CHST11: variants seen among roughly 807,000 people sequenced by gnomAD.
CHST11 encodes C4S-1.
Under a neutral mutation model 30.4 loss-of-function variants are expected in CHST11, and 9 were observed. The ratio of observed to expected loss-of-function variants is 0.30; its 90% CI spans 0.18 to 0.52. The LOEUF is 0.52. Among genes scored for constraint, CHST11 ranks in the 20% least tolerant of loss-of-function variants. The probability of loss-of-function intolerance (pLI) is 0.97; values close to 1 mark genes in which losing one functional copy is unlikely to be tolerated. For missense variants in CHST11, 348 were observed against 460.6 expected (o/e 0.76, Z 2.24); for synonymous variants, 152 against 187.8 (o/e 0.81, Z 1.56).
intron 2 of CHST11, among the ~76,000 whole-genome samples, chr12:104,672,011 G>C (rs2039702253): frequency 6.6e-6 from 1 of 152,200 alleles, no homozygotes. Context: ...TGACCCGTCA[G>C]TGACCATGTC....
Position 104,670,380 on chromosome 12 carries a change from C to T in CHST11, c.204+68389C>T, listed in dbSNP as rs189982175. ...CCTTCCCCGCTTTTCTATTCCAGAC[C>T]GTCCATGAACTGCCTCCATTTCCTC... On this transcript the variant is annotated intron_variant, in intron 2 of 2. Transcript: ENST00000303694. Among the ~76,000 whole-genome samples the T allele has an allele frequency of 1.6e-4, 25 of 152,212 alleles. No individual in the cohort carries two copies. In the East Asian group the frequency reaches 3.9e-3, roughly 23 times the overall value.
chr12:104,684,458 C>T (rs2039827277), intron 2 of CHST11, among the ~76,000 whole-genome samples: 1 of 152,214 alleles, frequency 6.6e-6, no homozygotes, highest in Admixed American at 6.5e-5. Context: ...GGGGATGGTA[C>T]ACCCTGCCCC....
intron 1 of CHST11, among the ~76,000 whole-genome samples, chr12:104,497,762 C>G (rs968939402): frequency 6.6e-6 from 1 of 152,010 alleles, no homozygotes; most frequent in Non-Finnish European, 1.5e-5. Context: ...TAGTGGGTGA[C>G]ATGGACTGGA....
intron 2 of CHST11, among the ~76,000 whole-genome samples, chr12:104,625,281 T>C (rs2039201576): frequency 6.6e-6 from 1 of 152,118 alleles, no homozygotes; most frequent in Non-Finnish European, 1.5e-5. Context: ...ACTCTGCTAT[T>C]CAGAGATGCC....
chr12:104,490,611 A>G (rs2037735639), intron 1 of CHST11, among the ~76,000 whole-genome samples: 1 of 152,194 alleles, frequency 6.6e-6, no homozygotes, highest in Non-Finnish European at 1.5e-5. Context: ...AGAGAGAGAG[A>G]TTGGAGTTGA....
chr12:104,679,044 G>C (rs1029149114), intron 2 of CHST11, among the ~76,000 whole-genome samples: 2 of 152,138 alleles, frequency 1.3e-5, no homozygotes, highest in Non-Finnish European at 1.5e-5. Flanking sequence ...CCATGATGTC[G>C]TTGGTACTCA....
intron 1 of CHST11, among the ~76,000 whole-genome samples, chr12:104,462,218 G>T (rs937191132): frequency 1.4e-5 from 2 of 143,644 alleles, no homozygotes; most frequent in African/African-American, 2.6e-5. Flanking sequence ...AATTTAGGAG[G>T]TATAGAAGAA....
At position 104,761,314 on chromosome 12, in the gene CHST11, A is replaced by G. The variant is rs1055260819; in HGVS notation, c.*3511A>G. 1 of 152,338 alleles carries G rather than the reference A, an allele frequency of 6.6e-6. No homozygotes were observed. Among genetic ancestry groups the G allele is most frequent in the African/African-American group, 2.4e-5 (1 of 41,446 alleles). The allele number at this position is 152,338 out of a possible 1,614,324, so 9.4% of individuals were successfully genotyped here. On this transcript the variant is annotated 3_prime_UTR_variant, in exon 3 of 3. Coordinates refer to ENST00000303694, the MANE Select transcript of CHST11 (RefSeq NM_018413.6). ...TCCTGGTGGCAAAGGCATGAAGCAC[A>G]GGGGTCGATTAATCCAGGCTACTAG... is the stretch of plus-strand genomic sequence containing the variant.
chr12:104,604,018 G>A (rs957509918), intron 2 of CHST11, among the ~76,000 whole-genome samples: 2 of 152,120 alleles, frequency 1.3e-5, no homozygotes, highest in Non-Finnish European at 2.9e-5. Flanking sequence ...AGCACTAGGC[G>A]CTGGGCACAA....
chr12:104,751,539 A>C (rs1357508836), intron 2 of CHST11, among the ~76,000 whole-genome samples: 1 of 152,244 alleles, frequency 6.6e-6, no homozygotes, highest in Non-Finnish European at 1.5e-5. Context: ...CCAGTGACCT[A>C]GGGCTGACCT....
intron 2 of CHST11, among the ~76,000 whole-genome samples, chr12:104,659,190 T>C (rs1375023909): frequency 6.6e-6 from 1 of 152,226 alleles, no homozygotes; most frequent in African/African-American, 2.4e-5. Context: ...CAGCTCTGTG[T>C]TCTGCATCAC....
intron 1 of CHST11, among the ~76,000 whole-genome samples, chr12:104,529,880 G>A (rs755696624): frequency 3.3e-5 from 5 of 152,210 alleles, no homozygotes; most frequent in Non-Finnish European, 7.4e-5. Flanking sequence ...ATTACAGGCT[G>A]GGTGCGGTGG....
At chr12:104,614,719 A>G (rs2039093053) in intron 2 of CHST11, among the ~76,000 whole-genome samples, 1 of 129,762 alleles carries the variant, frequency 7.7e-6, no homozygotes, top group Non-Finnish European at 1.6e-5. Flanking sequence ...GTGTGTGTAG[A>G]GCCTTGGTCA....
intron 2 of CHST11, among the ~76,000 whole-genome samples, chr12:104,637,670 T>C (rs2039338777): frequency 6.6e-6 from 1 of 152,172 alleles, no homozygotes; most frequent in Non-Finnish European, 1.5e-5. Flanking sequence ...ACCCTGGCAC[T>C]CAAAGCTGGT....
At chr12:104,529,084 A>G (rs1245454308) in intron 1 of CHST11, among the ~76,000 whole-genome samples, 1 of 152,206 alleles carries the variant, frequency 6.6e-6, no homozygotes, top group Non-Finnish European at 1.5e-5. Flanking sequence ...AGGAAATGAA[A>G]TTTAAATAGA....
chr12:104,651,703 C>G (rs2039491503), intron 2 of CHST11, among the ~76,000 whole-genome samples: 1 of 152,206 alleles, frequency 6.6e-6, no homozygotes, highest in South Asian at 2.1e-4. Flanking sequence ...GCCTATGATT[C>G]CCAGCCCAGC....
At chr12:104,477,198 C>G (rs1208502129) in intron 1 of CHST11, among the ~76,000 whole-genome samples, 1 of 152,142 alleles carries the variant, frequency 6.6e-6, no homozygotes, top group East Asian at 1.9e-4. Flanking sequence ...TCACTAGGTA[C>G]CCATTACAGG....
chr12:104,622,203 G>T (rs555218417), intron 2 of CHST11, among the ~76,000 whole-genome samples: 1 of 152,008 alleles, frequency 6.6e-6, no homozygotes, highest in Non-Finnish European at 1.5e-5. Flanking sequence ...CAGTTTTGTG[G>T]ATAACCAAAA....
intron 2 of CHST11, among the ~76,000 whole-genome samples, chr12:104,681,318 A>G (rs2039792995): frequency 6.6e-6 from 1 of 152,248 alleles, no homozygotes; most frequent in Non-Finnish European, 1.5e-5. Context: ...CATTATGCTA[A>G]GTGAAAGAAA....
Sources: allele counts gnomAD v4.1 joint callset (sites outside exome capture counted in the v4.1 genomes callset), GRCh38; gene constraint gnomAD v4.1.1; transcripts MANE v1.5; gene names NCBI Gene and HGNC (gene_info 2026-07-23, HGNC 2026-07-21).